OPN3: variants seen among roughly 807,000 people sequenced by gnomAD.
OPN3 encodes opsin-3.
Under a neutral mutation model 33.8 loss-of-function variants are expected in OPN3, and 29 were observed. That is an observed-to-expected ratio of 0.86 (90% CI 0.64 to 1.17). The LOEUF is 1.17. Among genes scored for constraint, OPN3 ranks in the 50% most tolerant of loss-of-function variants. OPN3 has a pLI of 0.00. For synonymous variants in OPN3, 216 were observed against 216.1 expected (o/e 1.00, Z 0.00); for missense variants, 437 against 514.1 (o/e 0.85, Z 1.45).
chr1:241,595,293 TCTC>T (rs1307684050), intron 3 of OPN3: 1 of 152,246 alleles, frequency 6.6e-6, no homozygotes, highest in East Asian at 1.9e-4. Flanking sequence ...CCTTTCCGCT[TCTC>T]CTCTCTGCTG....
At chr1:241,594,765 C>A in intron 3 of OPN3, 74 bp from the exon 4 acceptor site, 1 of 1,528,422 alleles carries the variant, frequency 6.5e-7, no homozygotes, top group Non-Finnish European at 8.9e-7. Flanking sequence ...TCGAGGAAAT[C>A]AGTTGAGCTG....
At chr1:241,615,205 TAAA>T (rs56262278) in intron 1 of OPN3, among the ~76,000 whole-genome samples, 13 of 113,976 alleles carry the variant, frequency 1.1e-4, no homozygotes, top group Admixed American at 2.6e-4. Context: ...GGCCAAAGTC[TAAA>T]AAAAAAAAAA....
At chr1:241,612,245 G>T (rs780822320) in intron 1 of OPN3, among the ~76,000 whole-genome samples, 1 of 152,162 alleles carries the variant, frequency 6.6e-6, no homozygotes, top group African/African-American at 2.4e-5. Flanking sequence ...CCTGTCTTGT[G>T]GTCTTCAGAG....
chr1:241,597,869 G>A lies in OPN3; in HGVS notation c.822C>T (p.Ile274=). Residue 274 remains isoleucine, a synonymous_variant, in exon 3 of 4, where the codon ATC becomes ATT. Coordinates refer to ENST00000366554, the MANE Select transcript of OPN3 (RefSeq NM_014322.3). ...FLVCWMPYIV[I]CFLVVNGHGH... The stretch of plus-strand genomic sequence containing the variant: ...CATGACCATTAACCACCAAGAAGCA[G>A]ATCACGATATAAGGCATCCAACAGA... 1 of 1,613,850 alleles carries A rather than the reference G, an allele frequency of 6.2e-7. No individual in the cohort carries two copies. The highest frequency in any genetic ancestry group is 8.5e-7 in the Non-Finnish European group (1 of 1,179,956).
chr1:241,635,494 C>A, intron 1 of OPN3: 1 of 1,613,870 alleles, frequency 6.2e-7, no homozygotes, highest in Non-Finnish European at 8.5e-7. Flanking sequence ...TTTCATCCTT[C>A]TTGCGAAGAG....
At chr1:241,624,631 T>C (rs1664362493) in intron 1 of OPN3, among the ~76,000 whole-genome samples, 1 of 152,232 alleles carries the variant, frequency 6.6e-6, no homozygotes, top group Non-Finnish European at 1.5e-5. Context: ...CTGAGCCTTA[T>C]TTCTCATCTA....
chr1:241,635,402 T>C, intron 1 of OPN3: 1 of 1,614,006 alleles, frequency 6.2e-7, no homozygotes, highest in Non-Finnish European at 8.5e-7. Context: ...CAAAGAAGGA[T>C]TTTTCTGCAG....
chr1:241,612,983 G>T (rs1664036863), intron 1 of OPN3, among the ~76,000 whole-genome samples: 1 of 152,140 alleles, frequency 6.6e-6, no homozygotes, highest in Non-Finnish European at 1.5e-5. Context: ...CTGTTACCGT[G>T]CAGCGGGCAT....
Position 241,640,028 on chromosome 1 carries a change from G to A in OPN3, c.227C>T (p.Thr76Ile). Residue 76 changes from threonine to isoleucine, a missense_variant, in exon 1 of 4, where the codon ACT becomes ATT. Coordinates refer to ENST00000366554, the MANE Select transcript of OPN3 (RefSeq NM_014322.3). Reference sequence around the variant, plus strand: ...GCTGATGTTGACCAGGAGGAGGTGAGTGGGAGTGCGGAGCCGCTGGAACTT... The same window carrying A: ...GCTGATGTTGACCAGGAGGAGGTGAATGGGAGTGCGGAGCCGCTGGAACTT... ...YYKFQRLRTP[T>I]HLLLVNISLS... The A allele has an allele frequency of 4.3e-6, 7 of 1,613,440 alleles. No individual in the cohort carries two copies. The highest frequency in any genetic ancestry group is 5.9e-6 in the Non-Finnish European group (7 of 1,179,702).
In OPN3 at chr1:241,639,962, G is replaced by A; in HGVS notation, c.293C>T (p.Thr98Ile). 6.2e-7 allele frequency: 1 copy of A among 1,611,902 alleles called. No homozygotes were observed. Among genetic ancestry groups the A allele is most frequent in the Non-Finnish European group, 8.5e-7 (1 of 1,179,190 alleles). Residue 98 changes from threonine (T) to isoleucine (I), a missense_variant, in exon 1 of 4, where the codon ACC becomes ATC. By Grantham distance (89) the Thr-to-Ile change is moderately conservative. Coordinates refer to ENST00000366554, the MANE Select transcript of OPN3 (RefSeq NM_014322.3). ...LLVSLFGVTF[T>I]FVSCLRNGWV... ...GCCGTTCCTCAGGCAGGACACGAAG[G>A]TAAAGGTGACCCCGAAGAGGGACAC...
chr1:241,616,899 C>A (rs1664146877), intron 1 of OPN3, among the ~76,000 whole-genome samples: 1 of 152,072 alleles, frequency 6.6e-6, no homozygotes, highest in Non-Finnish European at 1.5e-5. Flanking sequence ...ATTTGACAGT[C>A]CTTACATGAT....
At chr1:241,624,611 CAG>C (rs1164786382) in intron 1 of OPN3, among the ~76,000 whole-genome samples, 1 of 152,204 alleles carries the variant, frequency 6.6e-6, no homozygotes, top group African/African-American at 2.4e-5. Context: ...TTCTGACTTT[CAG>C]AGAGTTACTG....
At chr1:241,627,120 A>G (rs1336685258) in intron 1 of OPN3, among the ~76,000 whole-genome samples, 1 of 152,170 alleles carries the variant, frequency 6.6e-6, no homozygotes, top group African/African-American at 2.4e-5. Context: ...CAATGAAGGT[A>G]TTATATATAA....
chr1:241,614,973 C>A (rs1021545001), intron 1 of OPN3, among the ~76,000 whole-genome samples: 1 of 152,168 alleles, frequency 6.6e-6, no homozygotes, highest in Non-Finnish European at 1.5e-5. Context: ...GGAATAGGAC[C>A]TCATTAGAAC....
At chr1:241,609,761 A>T (rs1178622554) in intron 1 of OPN3, among the ~76,000 whole-genome samples, 1 of 152,232 alleles carries the variant, frequency 6.6e-6, no homozygotes, top group African/African-American at 2.4e-5. Flanking sequence ...AACAGAAAGG[A>T]ATGAAATGGG....
At position 241,593,194 on chromosome 1, in the gene OPN3, G is replaced by A. The variant is rs746489101; in HGVS notation, c.*1234C>T. ...TGCCAGAATGGAAAGGAAACAAGGG[G>A]AGACAACTTTTATAGAAATACAAAG... On this transcript the variant is annotated 3_prime_UTR_variant, in exon 4 of 4. Transcript: ENST00000366554. 8.2e-5 allele frequency: 20 copies of A among 242,506 alleles called. No individual in the cohort carries two copies. Among genetic ancestry groups the A allele is most frequent in the Non-Finnish European group, 1.6e-4 (17 of 105,478 alleles). 15.0% of individuals were successfully genotyped at this position (242,506 alleles called of 1,614,324 possible). A position where few individuals can be genotyped will look rare whatever the true frequency, so the allele number is the denominator to read the frequency against.
intron 1 of OPN3, among the ~76,000 whole-genome samples, chr1:241,615,317 C>A (rs1248387591): frequency 6.6e-6 from 1 of 151,886 alleles, no homozygotes; most frequent in Non-Finnish European, 1.5e-5. Flanking sequence ...AAGTGTGGTA[C>A]CACAGATAAA....
intron 1 of OPN3, among the ~76,000 whole-genome samples, chr1:241,610,979 T>C (rs1039978891): frequency 3.3e-5 from 5 of 152,144 alleles, no homozygotes; most frequent in Admixed American, 2.6e-4. Flanking sequence ...AGTAAAGTGG[T>C]AATGCGTAAG....
intron 2 of OPN3, among the ~76,000 whole-genome samples, chr1:241,598,267 TTTAC>T (rs1483290823): frequency 1.3e-5 from 2 of 152,110 alleles, no homozygotes; most frequent in Non-Finnish European, 2.9e-5. Flanking sequence ...CGTTCTCTTA[TTTAC>T]TTAATAAGAA....
Sources: allele counts gnomAD v4.1 joint callset (sites outside exome capture counted in the v4.1 genomes callset), GRCh38; gene constraint gnomAD v4.1.1; transcripts MANE v1.5; gene names NCBI Gene and HGNC (gene_info 2026-07-23, HGNC 2026-07-21).